UBQLN4: variants seen among roughly 807,000 people sequenced by gnomAD.
UBQLN4 encodes the protein ubiquilin-4.
Under a neutral mutation model 60.4 loss-of-function variants are expected in UBQLN4, and 11 were observed. That is an observed-to-expected ratio of 0.18 (90% confidence interval 0.11 to 0.30). The LOEUF is 0.30. UBQLN4 is among the 10% of genes least tolerant of loss of function. The pLI, the probability that UBQLN4 is intolerant of heterozygous loss-of-function variation, is 1.00. For synonymous variants in UBQLN4, 258 were observed against 313.1 expected (o/e 0.82, Z 1.86); for missense variants, 417 against 795.5 (o/e 0.52, Z 5.72).
Position 156,048,705 on chromosome 1 carries a change from A to C in UBQLN4, c.742-46T>G. ...AAATGGGCCCCGGAACCAGGGGAGC[A>C]CCAACCTAGGAAAAGGGTGGGCCTT... On this transcript the variant is annotated intron_variant, in intron 4 of 10. Coordinates refer to ENST00000368309, the MANE Select transcript of UBQLN4 (RefSeq NM_020131.5). This position sits in a 1 kb window ranked among gnomAD's most constrained non-coding sequence, Gnocchi z 4.9. The C allele has an allele frequency of 6.3e-7, 1 of 1,593,326 alleles. No homozygotes were observed. The highest frequency in any genetic ancestry group is 8.6e-7 in the Non-Finnish European group (1 of 1,164,232).
intron 10 of UBQLN4, among the ~76,000 whole-genome samples, chr1:156,038,835 GA>G (rs1183050017): frequency 1.4e-5 from 2 of 142,862 alleles, no homozygotes; most frequent in African/African-American, 2.6e-5. Context: ...TTTTGAGACG[GA>G]GTCTCGCTCT....
chr1:156,050,142 C>A lies in UBQLN4; in HGVS notation c.741+149G>T. ...TTTGACACCTGGAATTCCTGAAAAG[C>A]TAGGCCTGTCTTTTCATCCCTGTAC... On this transcript the variant is annotated intron_variant, in intron 4 of 10. Transcript: ENST00000368309. The surrounding 1 kb of genome is among the most constrained non-coding windows in gnomAD (Gnocchi z 4.6). The A allele has an allele frequency of 9.1e-7, 1 of 1,104,106 alleles. No homozygotes were observed. The allele number at this position is 1,104,106 out of a possible 1,614,324, so 68.4% of individuals were successfully genotyped here. A position where few individuals can be genotyped will look rare whatever the true frequency, so the allele number is the denominator to read the frequency against.
chr1:156,037,278 G>A, intron 10 of UBQLN4, 148 bp from the exon 11 acceptor site: 5 of 1,008,166 alleles, frequency 5.0e-6, no homozygotes, highest in Non-Finnish European at 7.2e-6. Flanking sequence ...TGGGGGCCCA[G>A]GAGCCTAGGT....
chr1:156,052,810 T>C (rs892172006), intron 1 of UBQLN4, among the ~76,000 whole-genome samples: 1 of 152,226 alleles, frequency 6.6e-6, no homozygotes, highest in African/African-American at 2.4e-5. Flanking sequence ...TGAAATTTAG[T>C]AATTCTATGT....
At position 156,041,486 on chromosome 1, in the gene UBQLN4, T is replaced by C. The variant is rs760152448; in HGVS notation, c.1652A>G (p.Gln551Arg). 1.5e-5 allele frequency: 24 copies of C among 1,591,858 alleles called. No homozygotes were observed. Among genetic ancestry groups the C allele is most frequent in the Non-Finnish European group, 1.8e-5 (21 of 1,169,654 alleles). Reference sequence around the variant, plus strand: ...ACCTGCCCCCACTGCCTCATGTACCTGTGAGTTTCCACTTCCAGCCAAAAG... The same window carrying C: ...ACCTGCCCCCACTGCCTCATGTACCCGTGAGTTTCCACTTCCAGCCAAAAG... ...IQLLAGSGNS[Q>R]VQTPEVRFQQ... Residue 551 changes from glutamine (Q) to arginine (R), a missense_variant and splice_region_variant, in exon 10 of 11, where the codon CAG becomes CGG. Physicochemically the swap from Gln to Arg is conservative, Grantham distance 43. Coordinates refer to ENST00000368309, the MANE Select transcript of UBQLN4 (RefSeq NM_020131.5).
downstream of UBQLN4, chr1:156,033,359 G>A: frequency 1.1e-6 from 1 of 908,636 alleles, no homozygotes; most frequent in Non-Finnish European, 1.3e-6. Context: ...GCATGTGTGA[G>A]CCTGATGATT....
chr1:156,033,971 C>A (rs951886485), downstream of UBQLN4, among the ~76,000 whole-genome samples: 5 of 151,906 alleles, frequency 3.3e-5, no homozygotes, highest in Admixed American at 3.3e-4. Flanking sequence ...TCTTTCCCCT[C>A]TGGGTTCCAG....
In UBQLN4 at chr1:156,050,920, T is replaced by TC. The variant is rs11389947; in HGVS notation, c.478+189dup. ...CCTCACTCCTAACCCTTAGCCATGG[T>TC]CCCCACCTCTGAGAACTCCTCAGAC... On this transcript the variant is annotated intron_variant, in intron 3 of 10. Transcript: ENST00000368309. This position sits in a 1 kb window ranked among gnomAD's most constrained non-coding sequence, Gnocchi z 4.6. 0.035 allele frequency among the ~76,000 whole-genome samples: 5,304 copies of TC among 151,924 alleles called. 206 individuals carry two copies. The highest frequency in any genetic ancestry group is 0.091 in the African/African-American group (3,760 of 41,386).
At chr1:156,034,772 A>G (rs1359452384), downstream of UBQLN4, among the ~76,000 whole-genome samples, 2 of 138,938 alleles carry the variant, frequency 1.4e-5, no homozygotes, top group Admixed American at 7.5e-5. Flanking sequence ...AGTCCTCCCC[A>G]TTCCCAAGTC....
rs1345096053 is a variant in UBQLN4 at position 156,036,160 on chromosome 1, C to T, written c.*818G>A. The T allele has an allele frequency of 4.1e-5, 40 of 985,482 alleles. No homozygotes were observed. Among genetic ancestry groups the T allele is most frequent in the Middle Eastern group, 5.2e-4 (1 of 1,936 alleles). 61.0% of individuals were successfully genotyped at this position (985,482 alleles called of 1,614,324 possible). On this transcript the variant is annotated 3_prime_UTR_variant, in exon 11 of 11. Coordinates refer to ENST00000368309, the MANE Select transcript of UBQLN4 (RefSeq NM_020131.5). ...TTCCATTAGCATCTCTAAGTCTCTT[C>T]TGCCAGCTCGGGCCTGGATTCTTCT...
At chr1:156,041,818 T>G (rs1572272302) in intron 9 of UBQLN4, 54 bp downstream of exon 9, 2 of 1,530,594 alleles carry the variant, frequency 1.3e-6, no homozygotes, top group African/African-American at 1.4e-5. Context: ...GAGAGAAGAG[T>G]TGAAGGGGAG....
chr1:156,053,525 C>A, intron 1 of UBQLN4, 69 bp downstream of exon 1: 1 of 1,128,084 alleles, frequency 8.9e-7, no homozygotes, highest in Non-Finnish European at 1.1e-6. Flanking sequence ...GCCGGACCGT[C>A]AGAGAGGCCC....
At chr1:156,053,087 G>A (rs1320062803) in intron 1 of UBQLN4, among the ~76,000 whole-genome samples, 1 of 152,170 alleles carries the variant, frequency 6.6e-6, no homozygotes, top group East Asian at 1.9e-4. Context: ...TGCACACCGT[G>A]TAAATCTCAG....
In UBQLN4 at chr1:156,050,446, G is replaced by A. The variant is rs1193077861; in HGVS notation, c.586C>T (p.Leu196=). ...QRQLMSNPEM[L]SQIMENPLVQ... is the part of the protein sequence containing the mutation. Reference sequence around the variant, plus strand: ...AGGGGGTTCTCCATGATCTGTGACAGCATCTCAGGATTGGACATCAGCTGC... The same window carrying A: ...AGGGGGTTCTCCATGATCTGTGACAACATCTCAGGATTGGACATCAGCTGC... Residue 196 remains leucine (L), a synonymous_variant, in exon 4 of 11, where the codon CTG becomes TTG. Coordinates refer to ENST00000368309, the MANE Select transcript of UBQLN4 (RefSeq NM_020131.5). This position sits in a 1 kb window ranked among gnomAD's most constrained non-coding sequence, Gnocchi z 4.6. 1 of 1,613,966 alleles carries A rather than the reference G, an allele frequency of 6.2e-7. No homozygotes were observed. The highest frequency in any genetic ancestry group is 8.5e-7 in the Non-Finnish European group (1 of 1,180,036).
At chr1:156,038,476 A>C (rs1248137430) in intron 10 of UBQLN4, among the ~76,000 whole-genome samples, 1 of 151,956 alleles carries the variant, frequency 6.6e-6, no homozygotes, top group Admixed American at 6.6e-5. Context: ...ACTGGCCAAC[A>C]TGGCGATACC....
At chr1:156,031,600 A>C (rs1301802796), downstream of UBQLN4, among the ~76,000 whole-genome samples, 1 of 130,646 alleles carries the variant, frequency 7.7e-6, no homozygotes, top group East Asian at 2.2e-4. Context: ...TTTTTTTGAG[A>C]TGGAGTCTCG....
chr1:156,041,418 T>G, intron 10 of UBQLN4, 67 bp downstream of exon 10: 1 of 1,466,330 alleles, frequency 6.8e-7, no homozygotes, highest in Non-Finnish European at 9.1e-7. Flanking sequence ...TCTATTCTAT[T>G]GCTTCCCTTG....
downstream of UBQLN4, among the ~76,000 whole-genome samples, chr1:156,032,837 C>T (rs1344700947): frequency 6.6e-6 from 1 of 152,104 alleles, no homozygotes; most frequent in African/African-American, 2.4e-5. Context: ...GAAGAAGATC[C>T]CAGCCTTGTT....
intron 5 of UBQLN4, among the ~76,000 whole-genome samples, chr1:156,044,776 T>A (rs1473827371): frequency 6.6e-6 from 1 of 152,024 alleles, no homozygotes; most frequent in African/African-American, 2.4e-5. Flanking sequence ...CCAGGTCCCC[T>A]ACCTGGCATT....
Sources: gnomAD v4.1 joint callset for allele counts (sites outside exome capture counted in the v4.1 genomes callset) on GRCh38, gnomAD v4.1.1 for gene constraint, Gnocchi (gnomAD v3.1) non-coding constraint, MANE v1.5 for transcripts, NCBI Gene and HGNC (gene_info 2026-07-23, HGNC 2026-07-21) for gene names.